The following CDC14B variants were observed in gnomAD, a reference collection of about 807,000 sequenced individuals.
CDC14B encodes cell division cycle 14B.
CDC14B carries 22 observed loss-of-function variants against 64.2 expected under a neutral mutation model. The observed-to-expected ratio is 0.34, with a 90% CI of 0.24 to 0.49. The LOEUF (loss-of-function observed/expected upper bound fraction) is 0.49. CDC14B is among the 20% of genes least tolerant of loss of function. The pLI is 0.99. For synonymous variants in CDC14B, 191 were observed against 215.8 expected, an observed-to-expected ratio of 0.89 and a Z score of 1.01; for missense variants, 498 against 629.9, an observed-to-expected ratio of 0.79 and a Z score of 2.24.
chr9:96,589,611 A>G (rs1845664690), intron 1 of CDC14B, among the ~76,000 whole-genome samples: 1 of 152,162 alleles, frequency 6.6e-6, no homozygotes, highest in South Asian at 2.1e-4. Flanking sequence ...CACAAATAGA[A>G]TATTAAGATT....
intron 1 of CDC14B, among the ~76,000 whole-genome samples, chr9:96,588,035 CA>C (rs1554776546): frequency 6.6e-6 from 1 of 151,194 alleles, no homozygotes; most frequent in Non-Finnish European, 1.5e-5. Context: ...AAAGGAAAAC[CA>C]AAAAAACCCT....
intron 9 of CDC14B, 141 bp from the exon 10 acceptor site, chr9:96,523,866 A>G: frequency 2.6e-6 from 2 of 770,010 alleles, no homozygotes; most frequent in South Asian, 3.7e-5. Context: ...ACACTCTGGA[A>G]TCACCTAGAG....
chr9:96,613,982 T>C (rs1318815574), intron 1 of CDC14B, among the ~76,000 whole-genome samples: 2 of 152,220 alleles, frequency 1.3e-5, no homozygotes. Flanking sequence ...GAGGAGACAA[T>C]GCTGTATTTG....
intron 5 of CDC14B, among the ~76,000 whole-genome samples, chr9:96,547,992 A>G (rs986870470): frequency 1.3e-5 from 2 of 151,968 alleles, no homozygotes; most frequent in East Asian, 1.9e-4. Context: ...CGCCTGGCTA[A>G]TTTTTTGTAT....
In CDC14B at chr9:96,619,409, G is replaced by T; in HGVS notation, c.-31C>A. The T allele has an allele frequency of 8.7e-7, 1 of 1,155,682 alleles. No homozygotes were observed. Among genetic ancestry groups the T allele is most frequent in the South Asian group, 4.2e-5 (1 of 23,562 alleles). The allele number at this position is 1,155,682 out of a possible 1,614,324, so 71.6% of individuals were successfully genotyped here. A position where few individuals can be genotyped will look rare whatever the true frequency, so the allele number is the denominator to read the frequency against. On this transcript the variant is annotated 5_prime_UTR_variant, in exon 1 of 14. It introduces an in-frame stop codon into an upstream open reading frame of the 5' UTR. Transcript: ENST00000375241. Reference sequence around the variant, plus strand: ...CGGCCGCGGCCCGTCAGGGGGCCACGACCATGGCCCCGCGCGCCCGCGCGC... The same window carrying T: ...CGGCCGCGGCCCGTCAGGGGGCCACTACCATGGCCCCGCGCGCCCGCGCGC...
chr9:96,557,725 G>T (rs1012227344), intron 4 of CDC14B, among the ~76,000 whole-genome samples: 1 of 152,112 alleles, frequency 6.6e-6, no homozygotes, highest in Non-Finnish European at 1.5e-5. Flanking sequence ...CATTCTTACA[G>T]CTATAAAAAC....
At chr9:96,605,563 C>T (rs1588068968) in intron 1 of CDC14B, among the ~76,000 whole-genome samples, 1 of 152,218 alleles carries the variant, frequency 6.6e-6, no homozygotes, top group Non-Finnish European at 1.5e-5. Context: ...CATCTCACTT[C>T]CCCACTCCCC....
chr9:96,495,394 C>CA (rs35185842), downstream of CDC14B, among the ~76,000 whole-genome samples: 717 of 139,664 alleles, frequency 5.1e-3, 12 homozygotes, highest in East Asian at 0.031. Context: ...GTGTGCTGCC[C>CA]CCCCCCGCCC....
intron 13 of CDC14B, 105 bp downstream of exon 13, chr9:96,509,566 ACT>A: frequency 1.3e-6 from 1 of 753,204 alleles, no homozygotes; most frequent in Non-Finnish European, 2.4e-6. Flanking sequence ...CATCACAGAG[ACT>A]CTACTTTCTC....
chr9:96,588,497 T>C (rs1845584538), intron 1 of CDC14B, among the ~76,000 whole-genome samples: 1 of 152,198 alleles, frequency 6.6e-6, no homozygotes, highest in Non-Finnish European at 1.5e-5. Context: ...GGGCTTTTCT[T>C]GTTGTTTTTG....
intron 1 of CDC14B, among the ~76,000 whole-genome samples, chr9:96,573,697 C>G (rs1003162351): frequency 6.6e-6 from 1 of 151,884 alleles, no homozygotes; most frequent in Non-Finnish European, 1.5e-5. Flanking sequence ...TACATGAAAC[C>G]TGACATGCTA....
At chr9:96,580,912 C>T (rs1169533091) in intron 1 of CDC14B, among the ~76,000 whole-genome samples, 2 of 152,206 alleles carry the variant, frequency 1.3e-5, no homozygotes, top group African/African-American at 2.4e-5. Flanking sequence ...AGCCTTATTT[C>T]TAAGGTAAAT....
At chr9:96,562,598 C>G in intron 4 of CDC14B, 95 bp downstream of exon 4, 1 of 850,082 alleles carries the variant, frequency 1.2e-6, no homozygotes, top group South Asian at 1.4e-5. Flanking sequence ...GAAGAGAAAT[C>G]AAGACATTAT....
chr9:96,588,291 A>T (rs1400516997), intron 1 of CDC14B, among the ~76,000 whole-genome samples: 6 of 152,144 alleles, frequency 3.9e-5, no homozygotes, highest in Non-Finnish European at 1.5e-5. Context: ...ACATTTCCAC[A>T]GCAGTAACAT....
At chr9:96,494,617 C>T (rs2131177578) in intron 13 of CDC14B, among the ~76,000 whole-genome samples, 1 of 152,302 alleles carries the variant, frequency 6.6e-6, no homozygotes, top group East Asian at 1.9e-4. Context: ...TGCAAAGGCT[C>T]TCACACCCCC....
At position 96,531,563 on chromosome 9, in the gene CDC14B, ATTC is replaced by A. The variant is rs1838486966; in HGVS notation, c.946+2361_946+2363del. On this transcript the variant is annotated intron_variant, in intron 9 of 13. Coordinates refer to ENST00000375241, the MANE Select transcript of CDC14B (RefSeq NM_033331.4). ...TAGCTAAAGGTTTATCATTTTTGTT[ATTC>A]TTCTTAAAGAACCAACCCTTGGTTT... 2.6e-5 allele frequency among the ~76,000 whole-genome samples: 4 copies of A among 151,800 alleles called. No homozygotes were observed. The South Asian group carries it at 8.3e-4, about 32-fold the overall frequency.
intron 4 of CDC14B, among the ~76,000 whole-genome samples, chr9:96,557,246 G>A (rs980113141): frequency 2.6e-5 from 4 of 152,214 alleles, no homozygotes; most frequent in South Asian, 2.1e-4. Context: ...GGCCTGTGCC[G>A]TCCCTTTGCT....
rs1168632084 is a variant in CDC14B, at chr9:96,534,175, C to A, written c.716-18G>T. 1 of 1,450,038 alleles carries A rather than the reference C, an allele frequency of 6.9e-7. No homozygotes were observed. Among genetic ancestry groups the A allele is most frequent in the Non-Finnish European group, 9.6e-7 (1 of 1,046,338 alleles). The allele number at this position is 1,450,038 out of a possible 1,614,324, so 89.8% of individuals were successfully genotyped here. A position where few individuals can be genotyped will look rare whatever the true frequency, so the allele number is the denominator to read the frequency against. On this transcript the variant is annotated intron_variant, in intron 8 of 13. Transcript: ENST00000375241. ...GTGGTAACCTACATAAAGAAATGCACCAGATCTTATAAAACACATAAAGAA... is the reference window on the plus strand; with the variant it reads ...GTGGTAACCTACATAAAGAAATGCAACAGATCTTATAAAACACATAAAGAA...
chr9:96,494,784 C>A (rs1385027114), intron 13 of CDC14B, among the ~76,000 whole-genome samples: 19 of 110,382 alleles, frequency 1.7e-4, no homozygotes, highest in African/African-American at 6.7e-4. Context: ...CCCCTCCCGT[C>A]CCCTCCCGTC....
Sources: gnomAD v4.1 joint callset for allele counts (sites outside exome capture counted in the v4.1 genomes callset) on GRCh38, gnomAD v4.1.1 for gene constraint, MANE v1.5 for transcripts, NCBI Gene and HGNC (gene_info 2026-07-23, HGNC 2026-07-21) for gene names.